The following CYP1B1 variants were observed in gnomAD, a reference collection of about 807,000 sequenced individuals.
CYP1B1 encodes the protein cytochrome P450 1B1.
In CYP1B1, 22 loss-of-function variants were observed where a neutral mutation model predicts 29.9. That is an observed-to-expected ratio of 0.74 (90% CI 0.53 to 1.05). The LOEUF (loss-of-function observed/expected upper bound fraction) is 1.05, where lower values mean the gene tolerates loss of function less well. Among genes scored for constraint, CYP1B1 ranks in the 50% least tolerant of loss-of-function variants. The pLI is 0.00. For missense variants in CYP1B1, 883 were observed against 746.9 expected, an observed-to-expected ratio of 1.18 and a Z score of -2.12; for synonymous variants, 375 against 320.0, an observed-to-expected ratio of 1.17 and a Z score of -1.83.
In CYP1B1 at chr2:38,074,804, C is replaced by T; in HGVS notation, c.585G>A (p.Pro195=). Residue 195 remains proline, a synonymous_variant, in exon 2 of 3, where the codon CCG becomes CCA. Coordinates refer to ENST00000610745, the MANE Select transcript of CYP1B1 (RefSeq NM_000104.4). ...CGTTGGCCACGGCCACGACGGTCAG[C>T]GGCCTCGGGTCGAGGAAGGCGCCGT... ...SADGAFLDPR[P]LTVVAVANVM... 6.3e-7 allele frequency: 1 copy of T among 1,579,220 alleles called. No individual in the cohort carries two copies. The highest frequency in any genetic ancestry group is 8.6e-7 in the Non-Finnish European group (1 of 1,162,954).
chr2:38,070,977 T>C lies in CYP1B1; in HGVS notation c.1377A>G (p.Arg459=), dbSNP rs540049009. The part of the protein sequence containing the change: ...DGLINKDLTS[R]VMIFSVGKRR... ...TTTTGCCCACTGAAAAAATCATCAC[T>C]CTGCTGGTCAGGTCCTTGTTGATGA... The change falls in exon 3 of 3, where the codon AGA becomes AGG. Residue 459 remains arginine, a synonymous_variant. Coordinates refer to ENST00000610745, the MANE Select transcript of CYP1B1 (RefSeq NM_000104.4). 6.2e-6 allele frequency: 10 copies of C among 1,614,068 alleles called. No individual in the cohort carries two copies. The East Asian group carries it at 2.2e-4, about 36-fold the overall frequency.
intron 2 of CYP1B1, among the ~76,000 whole-genome samples, chr2:38,072,835 CGT>C (rs1682456401): frequency 6.6e-6 from 1 of 152,100 alleles, no homozygotes; most frequent in African/African-American, 2.4e-5. Flanking sequence ...GTCAATAAAA[CGT>C]ATATACAAAA....
chr2:38,072,552 A>C (rs1438044990), intron 2 of CYP1B1, among the ~76,000 whole-genome samples: 1 of 152,234 alleles, frequency 6.6e-6, no homozygotes. Context: ...AAGTGTTAGA[A>C]GTCAAAAAAC....
At position 38,074,558 on chromosome 2, in the gene CYP1B1, C is replaced by G; in HGVS notation, c.831G>C (p.Leu277Phe). The change falls in exon 2 of 3, where the codon TTG (leucine) becomes TTC (phenylalanine). Residue 277 changes from leucine (L) to phenylalanine (F), a missense_variant. Leu to Phe is a conservative substitution (Grantham distance 22). Transcript: ENST00000610745. The stretch of plus-strand genomic sequence containing the variant: ...CGGGCCGAAGGCTTTCGCAGTGCCT[C>G]AAGAACTTGTCCAGGATGAAGTTGC... The part of the protein sequence containing the change: ...NFSNFILDKF[L>F]RHCESLRPGA... The G allele has an allele frequency of 6.2e-7, 1 of 1,609,896 alleles. No individual in the cohort carries two copies. Among genetic ancestry groups the G allele is most frequent in the Non-Finnish European group, 8.5e-7 (1 of 1,178,300 alleles).
Position 38,075,271 on chromosome 2 carries a change from G to T in CYP1B1, c.118C>A (p.Leu40Met). ...LATVHVGQRL[L>M]RQRRRQLRSA... Reference sequence around the variant, plus strand: ...CGGAGCTGCCGCCTCCGTTGCCTCAGCAGCCGCTGGCCCACATGCACAGTG... The same window carrying T: ...CGGAGCTGCCGCCTCCGTTGCCTCATCAGCCGCTGGCCCACATGCACAGTG... Residue 40 changes from leucine to methionine, a missense_variant, in exon 2 of 3, where the codon CTG becomes ATG. Physicochemically the swap from Leu to Met is conservative, Grantham distance 15 (BLOSUM62 2). Transcript: ENST00000610745. 6.9e-6 allele frequency: 11 copies of T among 1,605,182 alleles called. No individual in the cohort carries two copies. Among genetic ancestry groups the T allele is most frequent in the South Asian group, 1.1e-5 (1 of 90,100 alleles).
Position 38,069,647 on chromosome 2 carries a change from C to G in CYP1B1, c.*1075G>C, listed in dbSNP as rs77105857. ...CCAAAATTTGAGTGAAGAAAAGAAA[C>G]CCTGCTTCATTTCCATGTCAAAAAT... On this transcript the variant is annotated 3_prime_UTR_variant, in exon 3 of 3. Transcript: ENST00000610745. 123 of 201,076 alleles carry G rather than the reference C, an allele frequency of 6.1e-4. No individual in the cohort carries two copies. In the East Asian group the frequency reaches 8.0e-3, roughly 13 times the overall value. 12.5% of individuals were successfully genotyped at this position (201,076 alleles called of 1,614,324 possible).
In CYP1B1 at chr2:38,068,298, T is replaced by G. The variant is rs1474344391; in HGVS notation, c.*2424A>C. On this transcript the variant is annotated 3_prime_UTR_variant, in exon 3 of 3. Transcript: ENST00000610745. ...TTTCTTTTCCTTTCTTTAACTAGGTTATAAGCATATTAAATAAGCCAGGTA... is the reference window on the plus strand; with the variant it reads ...TTTCTTTTCCTTTCTTTAACTAGGTGATAAGCATATTAAATAAGCCAGGTA... 1.3e-5 allele frequency: 3 copies of G among 222,644 alleles called. No homozygotes were observed. The highest frequency in any genetic ancestry group is 2.7e-5 in the Non-Finnish European group (3 of 111,418). The allele number at this position is 222,644 out of a possible 1,614,324, so 13.8% of individuals were successfully genotyped here. A position where few individuals can be genotyped will look rare whatever the true frequency, so the allele number is the denominator to read the frequency against.
In CYP1B1 at chr2:38,076,035, T is replaced by C. The variant is rs931150391; in HGVS notation, c.-257A>G. 4 of 155,876 alleles carry C rather than the reference T, an allele frequency of 2.6e-5. No individual in the cohort carries two copies. Among genetic ancestry groups the C allele is most frequent in the African/African-American group, 9.6e-5 (4 of 41,460 alleles). 9.7% of individuals were successfully genotyped at this position (155,876 alleles called of 1,614,324 possible). A position where few individuals can be genotyped will look rare whatever the true frequency, so the allele number is the denominator to read the frequency against. On this transcript the variant is annotated 5_prime_UTR_variant, in exon 1 of 3. Transcript: ENST00000610745. Reference sequence around the variant, plus strand: ...CTTGGGGACCTGGCAAAGTCGAGGTTTCCTCACAGCGTTGAGATTGAGACT... The same window carrying C: ...CTTGGGGACCTGGCAAAGTCGAGGTCTCCTCACAGCGTTGAGATTGAGACT...
rs57865060 is a variant in CYP1B1, at chr2:38,074,704, C to G, written c.685G>C (p.Glu229Gln). The G allele has an allele frequency of 1.9e-6, 3 of 1,612,248 alleles. No homozygotes were observed. Among genetic ancestry groups the G allele is most frequent in the East Asian group, 4.5e-5 (2 of 44,858 alleles). Reference protein sequence around the residue: ...PEFRELLSHNEEFGRTVGAGS... With the variant: ...PEFRELLSHNQEFGRTVGAGS... Reference sequence around the variant, plus strand: ...GCGCCCACCGTGCGCCCGAACTCTTCGTTGTGGCTGAGCAGCTCACGGAAC... The same window carrying G: ...GCGCCCACCGTGCGCCCGAACTCTTGGTTGTGGCTGAGCAGCTCACGGAAC... Residue 229 changes from glutamate (E) to glutamine (Q), a missense_variant, in exon 2 of 3, where the codon GAA becomes CAA. By Grantham distance (29) the Glu-to-Gln change is conservative. Coordinates refer to ENST00000610745, the MANE Select transcript of CYP1B1 (RefSeq NM_000104.4).
rs1243408018 is a variant in CYP1B1, at chr2:38,075,100, G to A, written c.289C>T (p.Leu97=). 3.8e-6 allele frequency: 6 copies of A among 1,581,046 alleles called. No individual in the cohort carries two copies. In the South Asian group the frequency reaches 5.6e-5, roughly 15 times the overall value. Residue 97 remains leucine (L), a synonymous_variant, in exon 2 of 3, where the codon CTG becomes TTG. Transcript: ENST00000610745. ...IRLGSCPIVV[L]NGERAIHQAL... is the part of the protein sequence containing the mutation. ...TGGTGGATGGCGCGCTCGCCATTCA[G>A]CACCACTATGGGGCAGCTGCCCAGG...
chr2:38,074,203 C>G lies in CYP1B1; in HGVS notation c.1043+143G>C, dbSNP rs916866086. ...CAGCCCTCACTGTGAGTCCCTTTAC[C>G]GACGCGATCTTGGTTTTGAGGGGTG... On this transcript the variant is annotated intron_variant, in intron 2 of 2. Transcript: ENST00000610745. The G allele has an allele frequency of 7.5e-6, 7 of 931,750 alleles. No individual in the cohort carries two copies. In the South Asian group the frequency reaches 1.1e-4, roughly 14 times the overall value. The allele number at this position is 931,750 out of a possible 1,614,324, so 57.7% of individuals were successfully genotyped here. A position where few individuals can be genotyped will look rare whatever the true frequency, so the allele number is the denominator to read the frequency against.
rs755278127 is a variant in CYP1B1 at position 38,074,861 on chromosome 2, C to T, written c.528G>A (p.Glu176=). The stretch of plus-strand genomic sequence containing the variant: ...TGCCGCGCACCAGCAGCGCCACCAG[C>T]TCGCGCGCCTCGCTCAGCACGTGGC... The part of the protein sequence containing the change: ...LEGHVLSEAR[E]LVALLVRGSA... The change falls in exon 2 of 3, where the codon GAG becomes GAA. Residue 176 remains glutamate (E), a synonymous_variant. Transcript: ENST00000610745. The T allele has an allele frequency of 6.4e-7, 1 of 1,554,212 alleles. No homozygotes were observed. The highest frequency in any genetic ancestry group is 1.2e-5 in the South Asian group (1 of 84,790).
rs770690506 is a variant in CYP1B1 at position 38,074,724 on chromosome 2, C to G, written c.665G>C (p.Arg222Pro). ...CTCTTCGTTGTGGCTGAGCAGCTCA[C>G]GGAACTCGGGGTCGTCGTGGCTGTA... Reference protein sequence around the residue: ...CRYSHDDPEFRELLSHNEEFG... With the variant: ...CRYSHDDPEFPELLSHNEEFG... The change falls in exon 2 of 3, where the codon CGT becomes CCT. Residue 222 changes from arginine to proline, a missense_variant. Physicochemically the swap from Arg to Pro is moderately radical, Grantham distance 103. Transcript: ENST00000610745. 5.6e-6 allele frequency: 9 copies of G among 1,609,742 alleles called. 1 individual carries two copies. The South Asian group carries it at 1.0e-4, about 18-fold the overall frequency.
At chr2:38,075,453 C>T (rs1439215448) in intron 1 of CYP1B1, 64 bp from the exon 2 acceptor site, 3 of 1,535,590 alleles carry the variant, frequency 2.0e-6, no homozygotes, top group Non-Finnish European at 2.7e-6. Flanking sequence ...GCGCCCCACG[C>T]CCCTACCCCA....
chr2:38,074,055 T>A (rs1004620998), intron 2 of CYP1B1: 1 of 538,120 alleles, frequency 1.9e-6, no homozygotes, highest in Admixed American at 3.2e-5. Context: ...CTCTTGTTTT[T>A]CCGGGGGGTG....
In CYP1B1 at chr2:38,075,943, A is replaced by G. The variant is rs1191894916; in HGVS notation, c.-165T>C. 6.3e-6 allele frequency: 1 copy of G among 159,848 alleles called. No homozygotes were observed. The highest frequency in any genetic ancestry group is 1.4e-5 in the Non-Finnish European group (1 of 72,170). The allele number at this position is 159,848 out of a possible 1,614,324, so 9.9% of individuals were successfully genotyped here. On this transcript the variant is annotated 5_prime_UTR_variant, in exon 1 of 3. Transcript: ENST00000610745. ...CCCACTCGAGTCTCTTGGCGTCGTC[A>G]GTGCCAGGAGCGCTTGGATTGGGAT...
rs1682355981 is a variant in CYP1B1 at position 38,068,433 on chromosome 2, C to A, written c.*2289G>T. ...AAAAACAGATTATAGCACATCTGGA[C>A]CTGGTTGACATAATGAGGCATCCAG... On this transcript the variant is annotated 3_prime_UTR_variant, in exon 3 of 3. Transcript: ENST00000610745. 4.4e-6 allele frequency: 1 copy of A among 226,892 alleles called. No individual in the cohort carries two copies. The highest frequency in any genetic ancestry group is 8.8e-6 in the Non-Finnish European group (1 of 113,866). The allele number at this position is 226,892 out of a possible 1,614,324, so 14.1% of individuals were successfully genotyped here.
intron 2 of CYP1B1, among the ~76,000 whole-genome samples, 155 bp from the exon 3 acceptor site, chr2:38,071,465 C>T (rs866595047): frequency 4.6e-4 from 70 of 152,264 alleles, no homozygotes; most frequent in African/African-American, 1.7e-3. Flanking sequence ...AAATCTAAAA[C>T]AGCTTCCTAA....
At position 38,074,799 on chromosome 2, in the gene CYP1B1, G is replaced by T. The variant is rs774118666; in HGVS notation, c.590C>A (p.Thr197Asn). ...CATGACGTTGGCCACGGCCACGACG[G>T]TCAGCGGCCTCGGGTCGAGGAAGGC... ...DGAFLDPRPL[T>N]VVAVANVMSA... Residue 197 changes from threonine (T) to asparagine (N), a missense_variant, in exon 2 of 3, where the codon ACC becomes AAC. Thr to Asn is a moderately conservative substitution (Grantham distance 65, BLOSUM62 0). Coordinates refer to ENST00000610745, the MANE Select transcript of CYP1B1 (RefSeq NM_000104.4). 2 of 1,583,230 alleles carry T rather than the reference G, an allele frequency of 1.3e-6. No individual in the cohort carries two copies. Among genetic ancestry groups the T allele is most frequent in the South Asian group, 2.3e-5 (2 of 87,334 alleles).
Sources: allele counts gnomAD v4.1 joint callset (sites outside exome capture counted in the v4.1 genomes callset), GRCh38; gene constraint gnomAD v4.1.1; transcripts MANE v1.5; gene names NCBI Gene and HGNC (gene_info 2026-07-23, HGNC 2026-07-21).